The following SLC1A6 variants were observed in gnomAD, a reference collection of about 807,000 sequenced individuals.
SLC1A6 encodes excitatory amino acid transporter 4.
Under a neutral mutation model 42.1 loss-of-function variants are expected in SLC1A6, and 15 were observed. The ratio of observed to expected loss-of-function variants is 0.36; its 90% confidence interval spans 0.24 to 0.55. SLC1A6 has a LOEUF of 0.55. SLC1A6 is among the 20% of genes least tolerant of loss of function. SLC1A6 has a pLI of 0.88. For synonymous variants in SLC1A6, 317 were observed against 319.7 expected, an observed-to-expected ratio of 0.99 and a Z score of 0.09; for missense variants, 542 against 772.5, an observed-to-expected ratio of 0.70 and a Z score of 3.54.
intron 7 of SLC1A6, among the ~76,000 whole-genome samples, chr19:14,954,752 A>G (rs16980150): frequency 0.19 from 28,165 of 152,126 alleles, 2,912 homozygotes; most frequent in African/African-American, 0.28. Flanking sequence ...ATAACTGTAC[A>G]AAGGAAAGGA....
rs1049111382 is a variant in SLC1A6, at chr19:14,956,726, C to T, written c.936-17G>A. 1.9e-6 allele frequency: 3 copies of T among 1,553,066 alleles called. No individual in the cohort carries two copies. The highest frequency in any genetic ancestry group is 2.7e-6 in the Non-Finnish European group (3 of 1,130,866). On this transcript the variant is annotated splice_polypyrimidine_tract_variant and intron_variant, in intron 6 of 9. Transcript: ENST00000594383. Reference sequence around the variant, plus strand: ...GGTGCATACCTGTGTGAGGGAGCCACATACCTGTCAGGGCTCCCTCCTGAC... The same window carrying T: ...GGTGCATACCTGTGTGAGGGAGCCATATACCTGTCAGGGCTCCCTCCTGAC...
intron 6 of SLC1A6, 82 bp downstream of exon 6, chr19:14,961,920 C>T (rs568000237): frequency 1.3e-6 from 2 of 1,514,052 alleles, no homozygotes; most frequent in Non-Finnish European, 1.8e-6. Flanking sequence ...CAAAAGTCCC[C>T]AGCAAGCCCT....
chr19:14,962,524 T>A (rs959583576), intron 5 of SLC1A6, among the ~76,000 whole-genome samples, 179 bp from the exon 6 acceptor site: 3 of 152,172 alleles, frequency 2.0e-5, no homozygotes, highest in African/African-American at 7.2e-5. Context: ...AATGAGTGAA[T>A]GAATGACTTG....
At chr19:14,980,699 A>ATTGTTG (rs981302389), upstream of SLC1A6, among the ~76,000 whole-genome samples, 1 of 149,170 alleles carries the variant, frequency 6.7e-6, no homozygotes, top group Non-Finnish European at 1.5e-5. Context: ...GTTTTTTATT[A>ATTGTTG]TTGTTGTTGT....
intron 3 of SLC1A6, 113 bp downstream of exon 3, chr19:14,971,624 T>G: frequency 9.5e-7 from 1 of 1,050,354 alleles, no homozygotes; most frequent in Non-Finnish European, 1.4e-6. Flanking sequence ...AGGCTCCATG[T>G]TTGAGGTGCC....
chr19:15,010,333 A>G (rs1462136165), intron 1 of SLC1A6, among the ~76,000 whole-genome samples: 1 of 152,166 alleles, frequency 6.6e-6, no homozygotes, highest in East Asian at 1.9e-4. Flanking sequence ...GTGGCCAGCC[A>G]TGGGAGTATT....
Position 14,979,061 on chromosome 19 carries a change from C to T in SLC1A6, c.-8+248G>A, listed in dbSNP as rs1354681512. On this transcript the variant is annotated intron_variant, in intron 1 of 9. Coordinates refer to ENST00000594383, the MANE Select transcript of SLC1A6 (RefSeq NM_005071.3). This position sits in a 1 kb window ranked among gnomAD's most constrained non-coding sequence, Gnocchi z 4.2. ...TCTCTCTCTCTCTGTCACACACACACACACACACACACACACACACACACA... is the reference window on the plus strand; with the variant it reads ...TCTCTCTCTCTCTGTCACACACACATACACACACACACACACACACACACA... 3.7e-5 allele frequency among the ~76,000 whole-genome samples: 3 copies of T among 81,980 alleles called. No homozygotes were observed. Among genetic ancestry groups the T allele is most frequent in the African/African-American group, 1.4e-4 (3 of 21,196 alleles). The allele number at this position is 81,980 out of a possible 152,430, so 53.8% of individuals were successfully genotyped here. A position where few individuals can be genotyped will look rare whatever the true frequency, so the allele number is the denominator to read the frequency against.
intron 1 of SLC1A6, among the ~76,000 whole-genome samples, chr19:14,996,611 TTCTA>T (rs764242160): frequency 3.4e-5 from 5 of 148,542 alleles, no homozygotes; most frequent in Non-Finnish European, 6.0e-5. Context: ...AAGCCGTTAC[TTCTA>T]TCTGACATGA....
intron 1 of SLC1A6, among the ~76,000 whole-genome samples, chr19:15,008,021 GCC>G (rs35846384): frequency 6.9e-4 from 83 of 120,906 alleles, no homozygotes; most frequent in Admixed American, 9.7e-4. Flanking sequence ...TCAAAAGTCT[GCC>G]CCCCCCCCAA....
upstream of SLC1A6, among the ~76,000 whole-genome samples, chr19:14,983,005 G>A (rs1600026134): frequency 6.6e-6 from 1 of 152,080 alleles, no homozygotes; most frequent in African/African-American, 2.4e-5. Context: ...TTCATCAAAA[G>A]GAAACGGAAT....
intron 1 of SLC1A6, among the ~76,000 whole-genome samples, chr19:14,990,640 A>C (rs72620565): frequency 0.18 from 27,302 of 152,016 alleles, 2,849 homozygotes; most frequent in East Asian, 0.34. Context: ...GTGGTGGCGC[A>C]CACCTATAAT....
chr19:15,010,438 G>C (rs771840966), intron 1 of SLC1A6: 3 of 476,316 alleles, frequency 6.3e-6, no homozygotes, highest in South Asian at 4.7e-5. Context: ...GAAGGTAACG[G>C]CGAGAGGAAT....
At chr19:14,987,664 G>A (rs1184090479) in intron 1 of SLC1A6, among the ~76,000 whole-genome samples, 2 of 151,980 alleles carry the variant, frequency 1.3e-5, no homozygotes, top group African/African-American at 4.8e-5. Context: ...TCCAGGTAGC[G>A]GGAACAGCAA....
chr19:15,010,438 G>A (rs771840966), intron 1 of SLC1A6: 3 of 476,316 alleles, frequency 6.3e-6, no homozygotes, highest in South Asian at 1.6e-5. Context: ...GAAGGTAACG[G>A]CGAGAGGAAT....
Position 14,971,718 on chromosome 19 carries a change from C to T in SLC1A6, c.343+19G>A, listed in dbSNP as rs772118056. ...TCTAGACGGGTCTTGGAGGCCAACA[C>T]TGGCCTGGGCTCTCTCACCTGTGAC... On this transcript the variant is annotated intron_variant, in intron 3 of 9. Coordinates refer to ENST00000594383, the MANE Select transcript of SLC1A6 (RefSeq NM_005071.3). The T allele has an allele frequency of 1.2e-5, 19 of 1,612,904 alleles. No homozygotes were observed. Among genetic ancestry groups the T allele is most frequent in the Non-Finnish European group, 1.6e-5 (19 of 1,179,570 alleles).
chr19:14,979,530 G>C lies in SLC1A6; in HGVS notation c.-229C>G, dbSNP rs2145221845. 1 of 151,214 alleles carries C rather than the reference G, an allele frequency of 6.6e-6. No individual in the cohort carries two copies. Among genetic ancestry groups the C allele is most frequent in the African/African-American group, 2.4e-5 (1 of 41,388 alleles). The allele number at this position is 151,214 out of a possible 1,614,324, so 9.4% of individuals were successfully genotyped here. A position where few individuals can be genotyped will look rare whatever the true frequency, so the allele number is the denominator to read the frequency against. On this transcript the variant is annotated 5_prime_UTR_variant, in exon 1 of 10. Coordinates refer to ENST00000594383, the MANE Select transcript of SLC1A6 (RefSeq NM_005071.3). The surrounding 1 kb of genome is among the most constrained non-coding windows in gnomAD (Gnocchi z 4.2). ...CCACTCACCGGCGTCCGGAGCGGCG[G>C]GGGCGGCCTGCCCGCGCCTCGGCCT...
Position 14,984,997 on chromosome 19 carries a change from T to A in SLC1A6, c.7-12080A>T, listed in dbSNP as rs367649479. 8.7e-4 allele frequency among the ~76,000 whole-genome samples: 133 copies of A among 152,300 alleles called. 3 individuals carry two copies. Among genetic ancestry groups the A allele is most frequent in the African/African-American group, 3.1e-3 (128 of 41,570 alleles). On this transcript the variant is annotated intron_variant, in intron 1 of 8. Coordinates refer to the SLC1A6 transcript ENST00000430939. ...CCTGGGTTCAAACAATTCTCCTGCC[T>A]CAGCCTCCTGAGTAGCTGGGATTAC...
chr19:14,994,767 G>A (rs1055108198), intron 1 of SLC1A6, among the ~76,000 whole-genome samples: 1 of 152,158 alleles, frequency 6.6e-6, no homozygotes, highest in Non-Finnish European at 1.5e-5. Flanking sequence ...GTTTGGGTGC[G>A]CCATCCTGAG....
At chr19:14,963,978 G>C (rs1446793815) in intron 5 of SLC1A6, 4 of 167,736 alleles carry the variant, frequency 2.4e-5, no homozygotes, top group Non-Finnish European at 2.5e-5. Context: ...GGCGTGTCCA[G>C]CTAATTTTTT....
Sources: gnomAD v4.1 joint callset for allele counts (sites outside exome capture counted in the v4.1 genomes callset) on GRCh38, gnomAD v4.1.1 for gene constraint, Gnocchi (gnomAD v3.1) non-coding constraint, MANE v1.5 for transcripts, NCBI Gene and HGNC (gene_info 2026-07-23, HGNC 2026-07-21) for gene names.